ETFB: variants seen among roughly 807,000 people sequenced by gnomAD.
ETFB encodes beta-ETF.
Under a neutral mutation model 25.6 loss-of-function variants are expected in ETFB, and 20 were observed. The observed-to-expected ratio is 0.78, with a 90% confidence interval of 0.55 to 1.14. The LOEUF is 1.14. Ranked by LOEUF, ETFB falls within the 50% of genes most tolerant of loss-of-function variation. ETFB has a pLI of 0.00. For synonymous variants in ETFB, 142 were observed against 146.7 expected (o/e 0.97, Z 0.23); for missense variants, 286 against 342.6 (o/e 0.83, Z 1.30).
chr19:51,366,372 C>A lies in ETFB; in HGVS notation c.-46G>T. 1 of 1,592,372 alleles carries A rather than the reference C, an allele frequency of 6.3e-7. No homozygotes were observed. The highest frequency in any genetic ancestry group is 8.6e-7 in the Non-Finnish European group (1 of 1,168,260). On this transcript the variant is annotated 5_prime_UTR_variant, in exon 1 of 6. Transcript: ENST00000309244. ...CAGGGTCAGCCCGCACCCTCAGCGG[C>A]TCAGTCCAGAAGCCCCACCACCCCC...
chr19:51,360,788 CTT>C (rs758545033), intron 1 of ETFB, among the ~76,000 whole-genome samples: 8 of 151,294 alleles, frequency 5.3e-5, no homozygotes, highest in African/African-American at 9.8e-5. Flanking sequence ...CTCTCTCTCT[CTT>C]TCTCTTTCTT....
At chr19:51,355,092 A>T in intron 1 of ETFB, 1 of 170,142 alleles carries the variant, frequency 5.9e-6, no homozygotes, top group Non-Finnish European at 1.3e-5. Context: ...AGTTTCTTAT[A>T]AAAGCTTTTG....
intron 4 of ETFB, among the ~76,000 whole-genome samples, chr19:51,349,944 A>C (rs986199469): frequency 1.3e-5 from 2 of 152,024 alleles, no homozygotes; most frequent in African/African-American, 4.8e-5. Flanking sequence ...ACGAGGTTTC[A>C]ACATGTTGAC....
chr19:51,366,016 G>T (rs1908741523), intron 1 of ETFB, among the ~76,000 whole-genome samples: 1 of 152,208 alleles, frequency 6.6e-6, no homozygotes, highest in Non-Finnish European at 1.5e-5. Flanking sequence ...AAGAAATAGA[G>T]AAAGCAACTC....
chr19:51,350,193 C>T lies in ETFB; in HGVS notation c.438+136G>A, dbSNP rs971138373. The T allele has an allele frequency of 1.3e-5, 13 of 976,364 alleles. No individual in the cohort carries two copies. The South Asian group carries it at 1.7e-4, about 13-fold the overall frequency. The allele number at this position is 976,364 out of a possible 1,614,324, so 60.5% of individuals were successfully genotyped here. On this transcript the variant is annotated intron_variant, in intron 4 of 5. Coordinates refer to ENST00000309244, the MANE Select transcript of ETFB (RefSeq NM_001985.3). Reference sequence around the variant, plus strand: ...TCAGCAGAGACCTCAAGGAGGGGAACAAGAAAGCCATGAGGCAATCCGAGG... The same window carrying T: ...TCAGCAGAGACCTCAAGGAGGGGAATAAGAAAGCCATGAGGCAATCCGAGG...
chr19:51,354,078 C>T (rs545332034), intron 2 of ETFB, 72 bp downstream of exon 2: 16 of 1,549,246 alleles, frequency 1.0e-5, no homozygotes, highest in South Asian at 4.7e-5. Flanking sequence ...TCCCTCAGAC[C>T]CAGGAGTCCA....
chr19:51,348,106 T>C (rs1568465883), intron 4 of ETFB: 1 of 152,168 alleles, frequency 6.6e-6, no homozygotes, highest in Non-Finnish European at 1.5e-5. Context: ...ATTTTTACAT[T>C]TTATTTAAAT....
Position 51,345,395 on chromosome 19 carries a change from G to C in ETFB, c.598-14C>G. ...CTTCTTGGCTTTCTGCACATGGGAA[G>C]CCATTGTTCACAGGGCTGTGGAACT... is the stretch of plus-strand genomic sequence containing the variant. On this transcript the variant is annotated splice_polypyrimidine_tract_variant and intron_variant, in intron 5 of 5. Transcript: ENST00000309244. 2 of 1,614,028 alleles carry C rather than the reference G, an allele frequency of 1.2e-6. No individual in the cohort carries two copies. The highest frequency in any genetic ancestry group is 1.7e-6 in the Non-Finnish European group (2 of 1,179,952).
chr19:51,360,455 T>A (rs75928362), intron 1 of ETFB, among the ~76,000 whole-genome samples: 5,223 of 151,738 alleles, frequency 0.034, 258 homozygotes, highest in African/African-American at 0.12. Flanking sequence ...CACTGACCCA[T>A]GCAGACAACG....
At chr19:51,356,994 G>T (rs1183400260) in intron 1 of ETFB, 1 of 151,892 alleles carries the variant, frequency 6.6e-6, no homozygotes. Context: ...GGCATTCAGG[G>T]CCCACCTAAA....
intron 1 of ETFB, chr19:51,356,842 A>G (rs573297763): frequency 6.6e-6 from 1 of 152,310 alleles, no homozygotes; most frequent in African/African-American, 2.4e-5. Context: ...TGCCTCCTCC[A>G]GCTTCTGCTG....
At chr19:51,364,422 C>T (rs902796154) in intron 1 of ETFB, among the ~76,000 whole-genome samples, 12 of 152,198 alleles carry the variant, frequency 7.9e-5, no homozygotes, top group Non-Finnish European at 1.0e-4. Context: ...GCTGATTCAA[C>T]GCGGCCTTCA....
chr19:51,360,766 TTCTC>T (rs34680105), intron 1 of ETFB, among the ~76,000 whole-genome samples: 56,728 of 150,018 alleles, frequency 0.38, 12,699 homozygotes, highest in Non-Finnish European at 0.51. Flanking sequence ...CTTTCTCTCT[TTCTC>T]TCTCTCTCTC....
chr19:51,359,124 T>C (rs983605869), intron 1 of ETFB, among the ~76,000 whole-genome samples: 15 of 151,970 alleles, frequency 9.9e-5, no homozygotes, highest in South Asian at 2.1e-4. Context: ...CCACCTTGCC[T>C]TACTGCAACC....
chr19:51,353,308 G>A lies in ETFB; in HGVS notation c.217-18C>T. On this transcript the variant is annotated intron_variant, in intron 2 of 5. Transcript: ENST00000309244. Reference sequence around the variant, plus strand: ...ATCGTCTCCTGCCAAGGACAGAGGGGCTTGACTTGGCTGCTATCCTCAGGG... The same window carrying A: ...ATCGTCTCCTGCCAAGGACAGAGGGACTTGACTTGGCTGCTATCCTCAGGG... 1 of 1,613,676 alleles carries A rather than the reference G, an allele frequency of 6.2e-7. No homozygotes were observed. Among genetic ancestry groups the A allele is most frequent in the Non-Finnish European group, 8.5e-7 (1 of 1,179,900 alleles).
chr19:51,348,671 C>T (rs1423014387), intron 4 of ETFB: 1 of 3,832 alleles, frequency 2.6e-4, no homozygotes, highest in East Asian at 1.3e-3. Flanking sequence ...AGGTAAATAA[C>T]TCAACGAAGC....
In ETFB at chr19:51,353,243, G is replaced by A. The variant is rs562266125; in HGVS notation, c.264C>T (p.His88=). 2.5e-5 allele frequency: 40 copies of A among 1,614,058 alleles called. No homozygotes were observed. In the African/African-American group the frequency reaches 4.0e-4, roughly 16 times the overall value. Reference sequence around the variant, plus strand: ...CTGCTTCTGCTGGGGGCACCTCCACGTGGATACCTCGGTCTGCACCCATGG... The same window carrying A: ...CTGCTTCTGCTGGGGGCACCTCCACATGGATACCTCGGTCTGCACCCATGG... ...ALAMGADRGI[H]VEVPPAEAER... is the part of the protein sequence containing the mutation. Residue 88 remains histidine, a synonymous_variant, in exon 3 of 6, where the codon CAC becomes CAT. Coordinates refer to ENST00000309244, the MANE Select transcript of ETFB (RefSeq NM_001985.3).
At chr19:51,351,617 G>A (rs1985935562) in intron 3 of ETFB, among the ~76,000 whole-genome samples, 1 of 152,206 alleles carries the variant, frequency 6.6e-6, no homozygotes, top group Admixed American at 6.5e-5. Flanking sequence ...GGCCTCTGCA[G>A]CCCCACCCAG....
At chr19:51,346,777 G>A (rs1221830986) in intron 5 of ETFB, 123 bp downstream of exon 5, 62 of 954,256 alleles carry the variant, frequency 6.5e-5, no homozygotes, top group South Asian at 1.6e-4. Flanking sequence ...TCCAGGTGAC[G>A]GCTTCCTGTG....
Sources: gnomAD v4.1 joint callset for allele counts (sites outside exome capture counted in the v4.1 genomes callset) on GRCh38, gnomAD v4.1.1 for gene constraint, MANE v1.5 for transcripts, NCBI Gene and HGNC (gene_info 2026-07-23, HGNC 2026-07-21) for gene names.